SCNN1G: variants seen among roughly 807,000 people sequenced by gnomAD.
The protein encoded by SCNN1G is sodium channel epithelial 1 subunit gamma, also known as epithelial sodium channel subunit gamma.
In SCNN1G, 27 loss-of-function variants were observed where a neutral mutation model predicts 64.6. The ratio of observed to expected loss-of-function variants is 0.42; its 90% confidence interval spans 0.31 to 0.58. SCNN1G has a LOEUF of 0.58. SCNN1G is among the 20% of genes least tolerant of loss of function. The pLI is 0.18. For missense variants in SCNN1G, 743 were observed against 823.4 expected (o/e 0.90, Z 1.19); for synonymous variants, 330 against 314.2 (o/e 1.05, Z -0.53).
intron 10 of SCNN1G, 97 bp from the exon 11 acceptor site, chr16:23,213,005 T>C: frequency 3.9e-6 from 6 of 1,525,536 alleles, no homozygotes; most frequent in African/African-American, 1.4e-5. Context: ...AAGAATTACC[T>C]TGTGGAGGCT....
rs1289923579 is a variant in SCNN1G, at chr16:23,216,327, G to A, written c.*858G>A. On this transcript the variant is annotated 3_prime_UTR_variant, in exon 13 of 13. Transcript: ENST00000300061. ...AGGTCTGTGTCACTTTGGGTGGGGA[G>A]GGGGAGCATGGTGGGCCATGCTCTG... 1 of 152,266 alleles carries A rather than the reference G, an allele frequency of 6.6e-6. No homozygotes were observed. Among genetic ancestry groups the A allele is most frequent in the African/African-American group, 2.4e-5 (1 of 41,428 alleles). The allele number at this position is 152,266 out of a possible 1,614,324, so 9.4% of individuals were successfully genotyped here.
intron 5 of SCNN1G, 89 bp from the exon 6 acceptor site, chr16:23,197,175 T>G (rs2141934550): frequency 9.2e-7 from 1 of 1,091,790 alleles, no homozygotes; most frequent in East Asian, 2.4e-5. Context: ...GTCTTGGGTT[T>G]GAAGCTCCTG....
At chr16:23,202,099 G>A (rs1251706744) in intron 6 of SCNN1G, among the ~76,000 whole-genome samples, 1 of 152,170 alleles carries the variant, frequency 6.6e-6, no homozygotes, top group African/African-American at 2.4e-5. Context: ...TTATAGATGT[G>A]AGCCACCACA....
intron 1 of SCNN1G, among the ~76,000 whole-genome samples, chr16:23,184,027 G>GT: frequency 6.6e-6 from 1 of 152,356 alleles, no homozygotes; most frequent in South Asian, 2.1e-4. Context: ...ACTTAGAAGA[G>GT]TAAGTGCTGG....
Position 23,215,684 on chromosome 16 carries a change from G to T in SCNN1G, c.*215G>T. The T allele has an allele frequency of 1.6e-6, 1 of 612,524 alleles. No individual in the cohort carries two copies. The allele number at this position is 612,524 out of a possible 1,614,324, so 37.9% of individuals were successfully genotyped here. On this transcript the variant is annotated 3_prime_UTR_variant, in exon 13 of 13. Transcript: ENST00000300061. ...ACGCAGCAACACTCACAACTGTCCA[G>T]GCTGAGATAAATCCCGGGACCTGAA...
Position 23,212,141 on chromosome 16 carries a change from C to T in SCNN1G, c.1284C>T (p.His428=), listed in dbSNP as rs749657510. 13 of 1,610,426 alleles carry T rather than the reference C, an allele frequency of 8.1e-6. No individual in the cohort carries two copies. The Admixed American group carries it at 2.2e-4, about 27-fold the overall frequency. ...CCAACTACTGCAACTACCAGCAGCACCCCAACTGGAGTGAGTGAGACCCAG... is the reference window on the plus strand; with the variant it reads ...CCAACTACTGCAACTACCAGCAGCATCCCAACTGGAGTGAGTGAGACCCAG... ...PAANYCNYQQ[H]PNWMYCYYQL... The change falls in exon 8 of 13, where the codon CAC becomes CAT. Residue 428 remains histidine, a synonymous_variant. Transcript: ENST00000300061.
At position 23,192,937 on chromosome 16, in the gene SCNN1G, T is replaced by C. The variant is rs528663663; in HGVS notation, c.809+395T>C. ...TACAAAACTTAGCCAGGCATGGTGG[T>C]GCATGCCTGTAGTCCCAGCTATTCA... On this transcript the variant is annotated intron_variant, in intron 4 of 12. Coordinates refer to ENST00000300061, the MANE Select transcript of SCNN1G (RefSeq NM_001039.4). 9.2e-5 allele frequency among the ~76,000 whole-genome samples: 14 copies of C among 151,752 alleles called. No individual in the cohort carries two copies. The South Asian group carries it at 2.7e-3, about 30-fold the overall frequency.
chr16:23,215,226 C>T lies in SCNN1G; in HGVS notation c.1707C>T (p.Ala569=). Reference sequence around the variant, plus strand: ...TTGCCCGCCGCCAGTGGCAGAAAGCCAAGGAGTGGTGGGCCTGGAAACAGG... The same window carrying T: ...TTGCCCGCCGCCAGTGGCAGAAAGCTAAGGAGTGGTGGGCCTGGAAACAGG... The part of the protein sequence containing the change: ...SIIARRQWQK[A]KEWWAWKQAP... Residue 569 remains alanine, a synonymous_variant, in exon 13 of 13, where the codon GCC becomes GCT. Coordinates refer to ENST00000300061, the MANE Select transcript of SCNN1G (RefSeq NM_001039.4). The T allele has an allele frequency of 6.2e-7, 1 of 1,614,180 alleles. No individual in the cohort carries two copies. The highest frequency in any genetic ancestry group is 8.5e-7 in the Non-Finnish European group (1 of 1,180,034).
chr16:23,199,628 T>C (rs1959852636), intron 6 of SCNN1G, among the ~76,000 whole-genome samples: 1 of 151,928 alleles, frequency 6.6e-6, no homozygotes, highest in Admixed American at 6.6e-5. Flanking sequence ...TTAATTTCAT[T>C]CTTTCATAAT....
intron 6 of SCNN1G, among the ~76,000 whole-genome samples, chr16:23,205,793 G>A (rs990329131): frequency 6.6e-6 from 1 of 151,858 alleles, no homozygotes; most frequent in Non-Finnish European, 1.5e-5. Flanking sequence ...CATCCCTGCT[G>A]TCCCCTCCCT....
chr16:23,211,903 G>C, intron 7 of SCNN1G, 131 bp from the exon 8 acceptor site: 1 of 761,854 alleles, frequency 1.3e-6, no homozygotes. Context: ...AGCCCAGTTG[G>C]CATAAGGGGC....
intron 6 of SCNN1G, among the ~76,000 whole-genome samples, chr16:23,200,001 G>C (rs1272678463): frequency 1.3e-5 from 2 of 152,034 alleles, no homozygotes; most frequent in Non-Finnish European, 2.9e-5. Context: ...CCTGTTTGTG[G>C]GTGGGGAGAA....
At chr16:23,189,754 C>T in intron 3 of SCNN1G, 83 bp downstream of exon 3, 2 of 1,287,582 alleles carry the variant, frequency 1.6e-6, no homozygotes, top group African/African-American at 1.5e-5. Flanking sequence ...GACCACTAGC[C>T]CCTGTGGTCC....
chr16:23,214,228 C>T (rs1238491791), intron 11 of SCNN1G, among the ~76,000 whole-genome samples: 1 of 152,220 alleles, frequency 6.6e-6, no homozygotes, highest in Non-Finnish European at 1.5e-5. Context: ...TGAAAATATA[C>T]ATACCTGCCT....
At chr16:23,193,711 T>C (rs1434630673) in intron 4 of SCNN1G, among the ~76,000 whole-genome samples, 1 of 152,192 alleles carries the variant, frequency 6.6e-6, no homozygotes, top group East Asian at 1.9e-4. Flanking sequence ...CCTATCTGTA[T>C]ATGTTAGCAG....
At chr16:23,199,409 T>C (rs188862154) in intron 6 of SCNN1G, among the ~76,000 whole-genome samples, 14 of 152,250 alleles carry the variant, frequency 9.2e-5, no homozygotes, top group Middle Eastern at 6.8e-3. Context: ...AAAGCAATGG[T>C]GCAATGTGAC....
chr16:23,203,662 C>T (rs1028303734), intron 6 of SCNN1G, among the ~76,000 whole-genome samples: 16 of 141,486 alleles, frequency 1.1e-4, no homozygotes, highest in African/African-American at 4.2e-4. Flanking sequence ...CCCAGCTACT[C>T]GGGAGGCTGA....
intron 7 of SCNN1G, among the ~76,000 whole-genome samples, chr16:23,210,169 T>C (rs1960057300): frequency 6.6e-6 from 1 of 152,186 alleles, no homozygotes; most frequent in Non-Finnish European, 1.5e-5. Context: ...GTCAAGAGCA[T>C]GGCTTCCGGG....
At chr16:23,190,826 AG>A in intron 3 of SCNN1G, among the ~76,000 whole-genome samples, 1 of 89,922 alleles carries the variant, frequency 1.1e-5, no homozygotes, top group South Asian at 4.2e-4. Flanking sequence ...GTCCCATTTG[AG>A]GGGATTTTTT....
Sources: allele counts gnomAD v4.1 joint callset (sites outside exome capture counted in the v4.1 genomes callset), GRCh38; gene constraint gnomAD v4.1.1; transcripts MANE v1.5; gene names NCBI Gene and HGNC (gene_info 2026-07-23, HGNC 2026-07-21).